VWA8: variants seen among roughly 807,000 people sequenced by gnomAD.
VWA8 encodes the protein von Willebrand factor A domain containing 8.
VWA8 carries 221 observed loss-of-function variants against 241.5 expected under a neutral mutation model. That is an observed-to-expected ratio of 0.91 (90% CI 0.82 to 1.02). VWA8 has a LOEUF of 1.02. Ranked by LOEUF, VWA8 falls within the 50% of genes least tolerant of loss-of-function variation. The probability of loss-of-function intolerance (pLI) is 0.00; values close to 1 mark genes in which losing one functional copy is unlikely to be tolerated. For synonymous variants in VWA8, 852 were observed against 827.1 expected (o/e 1.03, Z -0.52); for missense variants, 2,322 against 2,328.7 (o/e 1.00, Z 0.06).
intron 3 of VWA8, among the ~76,000 whole-genome samples, chr13:41,911,706 T>C (rs1876007794): frequency 6.6e-6 from 1 of 152,258 alleles, no homozygotes; most frequent in Non-Finnish European, 1.5e-5. Flanking sequence ...GAATGTTCAC[T>C]AAGCAGTATA....
chr13:41,624,304 C>A, intron 37 of VWA8, among the ~76,000 whole-genome samples: 1 of 152,082 alleles, frequency 6.6e-6, no homozygotes, highest in East Asian at 1.9e-4. Flanking sequence ...GGAGGAGGAA[C>A]TTCTCCCTAA....
intron 20 of VWA8, among the ~76,000 whole-genome samples, chr13:41,767,316 T>C (rs1342176757): frequency 1.3e-5 from 2 of 152,220 alleles, no homozygotes; most frequent in Non-Finnish European, 2.9e-5. Flanking sequence ...CTGAACCTTC[T>C]AATTCTTTGC....
chr13:41,680,276 CATATATATT>C (rs2045089721), intron 35 of VWA8, among the ~76,000 whole-genome samples: 1 of 152,018 alleles, frequency 6.6e-6, no homozygotes, highest in Non-Finnish European at 1.5e-5. Context: ...TAAATATGTT[CATATATATT>C]GGGTTTATCA....
chr13:41,960,617 C>G (rs1878565922), intron 1 of VWA8, among the ~76,000 whole-genome samples: 1 of 152,226 alleles, frequency 6.6e-6, no homozygotes. Context: ...CATCAGAAAC[C>G]TTAGTCCAGA....
intron 23 of VWA8, among the ~76,000 whole-genome samples, chr13:41,729,199 C>A (rs115880150): frequency 0.011 from 1,651 of 151,536 alleles, 33 homozygotes; most frequent in African/African-American, 0.039. Context: ...AAAAGTCCAG[C>A]TTTTTTTATT....
chr13:41,913,663 T>G (rs555373446), intron 2 of VWA8, among the ~76,000 whole-genome samples: 1 of 152,360 alleles, frequency 6.6e-6, no homozygotes, highest in South Asian at 2.1e-4. Flanking sequence ...TTTCTGATTT[T>G]CATTATTCTG....
chr13:41,572,106 G>A (rs117837063), intron 43 of VWA8, among the ~76,000 whole-genome samples: 2 of 150,662 alleles, frequency 1.3e-5, no homozygotes, highest in Admixed American at 6.6e-5. Flanking sequence ...GAGCCCCTCC[G>A]CCCGGCAGCT....
chr13:41,624,413 C>T (rs937583509), intron 37 of VWA8, among the ~76,000 whole-genome samples: 1 of 152,094 alleles, frequency 6.6e-6, no homozygotes, highest in Non-Finnish European at 1.5e-5. Flanking sequence ...AACATAGCTG[C>T]AAAAATCCTC....
intron 16 of VWA8, among the ~76,000 whole-genome samples, chr13:41,814,851 C>T (rs1005989858): frequency 6.6e-6 from 1 of 151,998 alleles, no homozygotes; most frequent in Non-Finnish European, 1.5e-5. Context: ...GGGGAGACTA[C>T]AGGGAACAAA....
intron 9 of VWA8, among the ~76,000 whole-genome samples, chr13:41,873,867 C>T (rs1425743428): frequency 1.3e-5 from 2 of 152,080 alleles, no homozygotes; most frequent in Non-Finnish European, 2.9e-5. Context: ...CAAAGCCGGG[C>T]AGAGACACAA....
rs146673822 is a variant in VWA8, at chr13:41,635,236, T to A, written c.4612-20152A>T. Among the ~76,000 whole-genome samples the A allele has an allele frequency of 7.2e-3, 1,093 of 152,218 alleles. 8 individuals carry two copies. Among genetic ancestry groups the A allele is most frequent in the Non-Finnish European group, 0.01 (709 of 68,004 alleles). The stretch of plus-strand genomic sequence containing the variant: ...GGGATAGGGAATAGGAATAGGGAGA[T>A]ATTAAGTGTGTATCATATGTAGGGA... On this transcript the variant is annotated intron_variant, in intron 37 of 44. Transcript: ENST00000379310.
chr13:41,627,488 C>G (rs756708683), intron 37 of VWA8, among the ~76,000 whole-genome samples: 1 of 152,118 alleles, frequency 6.6e-6, no homozygotes, highest in African/African-American at 2.4e-5. Context: ...AACCTAGAAG[C>G]CTGGCATGCT....
chr13:41,821,668 AT>A lies in VWA8; in HGVS notation c.1701-2283del, dbSNP rs529568668. ...TAAATGAAACTACAGATACGGCTTAATTTCAGACAAAAAGATATTATTTCCT... is the reference window on the plus strand; with the variant it reads ...TAAATGAAACTACAGATACGGCTTAATTCAGACAAAAAGATATTATTTCCT... On this transcript the variant is annotated intron_variant, in intron 14 of 44. Transcript: ENST00000379310. Among the ~76,000 whole-genome samples, 45 of 152,312 alleles carry A rather than the reference AT, an allele frequency of 3.0e-4. No homozygotes were observed. In the South Asian group the frequency reaches 8.7e-3, roughly 29 times the overall value.
At chr13:41,864,604 T>C in intron 12 of VWA8, 1 of 443,848 alleles carries the variant, frequency 2.3e-6, no homozygotes, top group South Asian at 1.6e-5. Flanking sequence ...TATGATTCCA[T>C]TTATATGAGG....
intron 12 of VWA8, among the ~76,000 whole-genome samples, chr13:41,859,175 A>C (rs1380720366): frequency 6.6e-6 from 1 of 152,138 alleles, no homozygotes; most frequent in Non-Finnish European, 1.5e-5. Flanking sequence ...AAATGTCTTG[A>C]AATCTTCATA....
intron 40 of VWA8, among the ~76,000 whole-genome samples, chr13:41,598,200 A>G (rs1007093151): frequency 2.0e-5 from 3 of 152,126 alleles, no homozygotes; most frequent in African/African-American, 7.2e-5. Context: ...GATTTTCAGG[A>G]ATGAGGCTAT....
chr13:41,791,158 T>C (rs181347792), intron 17 of VWA8, among the ~76,000 whole-genome samples: 3 of 151,946 alleles, frequency 2.0e-5, no homozygotes, highest in Admixed American at 2.0e-4. Flanking sequence ...GAATCAATAA[T>C]TTTGGGTTCC....
intron 2 of VWA8, among the ~76,000 whole-genome samples, chr13:41,923,985 A>AAC (rs1876698078): frequency 6.6e-6 from 1 of 151,876 alleles, no homozygotes; most frequent in Non-Finnish European, 1.5e-5. Context: ...CACACACACA[A>AAC]ACACACACAA....
intron 37 of VWA8, among the ~76,000 whole-genome samples, chr13:41,669,389 A>G (rs2045007442): frequency 6.6e-6 from 1 of 152,230 alleles, no homozygotes; most frequent in South Asian, 2.1e-4. Flanking sequence ...AATAGTTTCA[A>G]TTACCAGTAC....
Sources: allele counts gnomAD v4.1 joint callset (sites outside exome capture counted in the v4.1 genomes callset), GRCh38; gene constraint gnomAD v4.1.1; transcripts MANE v1.5; gene names NCBI Gene and HGNC (gene_info 2026-07-23, HGNC 2026-07-21).